The following FAM114A2 variants were observed in gnomAD, a reference collection of about 807,000 sequenced individuals.
FAM114A2 encodes protein FAM114A2.
Under a neutral mutation model 58.4 loss-of-function variants are expected in FAM114A2, and 53 were observed. That is an observed-to-expected ratio of 0.91 (90% CI 0.73 to 1.14). The LOEUF is 1.14. Among genes scored for constraint, FAM114A2 ranks in the 50% most tolerant of loss-of-function variants. FAM114A2 has a pLI of 0.00. For synonymous variants in FAM114A2, 228 were observed against 211.4 expected (o/e 1.08, Z -0.68); for missense variants, 601 against 581.1 (o/e 1.03, Z -0.35).
chr5:154,022,150 G>A (rs1257398896), intron 8 of FAM114A2, among the ~76,000 whole-genome samples: 1 of 151,828 alleles, frequency 6.6e-6, no homozygotes, highest in Non-Finnish European at 1.5e-5. Context: ...AATTCAAGAT[G>A]GATTAGACTT....
At chr5:154,023,491 G>T in intron 8 of FAM114A2, among the ~76,000 whole-genome samples, 1 of 152,122 alleles carries the variant, frequency 6.6e-6, no homozygotes, top group African/African-American at 2.4e-5. Flanking sequence ...GATGAGACTG[G>T]ATGCTATTGT....
intron 8 of FAM114A2, among the ~76,000 whole-genome samples, chr5:154,015,845 A>C (rs1162574374): frequency 6.6e-6 from 1 of 152,170 alleles, no homozygotes; most frequent in Non-Finnish European, 1.5e-5. Context: ...CAGAAAGGCA[A>C]AGCCCAATTT....
intron 11 of FAM114A2, 78 bp from the exon 12 acceptor site, chr5:153,997,953 GAACAA>G: frequency 1.1e-6 from 1 of 872,086 alleles, no homozygotes; most frequent in Non-Finnish European, 1.9e-6. Flanking sequence ...TGTCAGAAGA[GAACAA>G]ATCACTTCTG....
At position 153,990,412 on chromosome 5, in the gene FAM114A2, T is replaced by C. The variant is rs896678495; in HGVS notation, c.*2564A>G. 1.1e-4 allele frequency: 17 copies of C among 151,880 alleles called. No individual in the cohort carries two copies. Among genetic ancestry groups the C allele is most frequent in the African/African-American group, 3.1e-4 (13 of 41,342 alleles). 9.4% of individuals were successfully genotyped at this position (151,880 alleles called of 1,614,324 possible). On this transcript the variant is annotated 3_prime_UTR_variant, in exon 14 of 14. Transcript: ENST00000351797. ...ATTGAAAAATTCACATTTGTACACCTAGCACTGATTTCAGATTCATAGTAA... is the reference window on the plus strand; with the variant it reads ...ATTGAAAAATTCACATTTGTACACCCAGCACTGATTTCAGATTCATAGTAA...
intron 11 of FAM114A2, 77 bp from the exon 12 acceptor site, chr5:153,997,952 A>T: frequency 3.4e-6 from 3 of 869,618 alleles, no homozygotes; most frequent in South Asian, 1.5e-5. Flanking sequence ...TTGTCAGAAG[A>T]GAACAAATCA....
intron 1 of FAM114A2, chr5:154,036,155 GT>G (rs2113524217): frequency 6.6e-6 from 1 of 152,214 alleles, no homozygotes; most frequent in Non-Finnish European, 1.5e-5. Context: ...TTCAGAGCAA[GT>G]CTTTAATTTT....
At chr5:154,036,041 T>TA (rs1481411953) in intron 1 of FAM114A2, among the ~76,000 whole-genome samples, 1 of 152,326 alleles carries the variant, frequency 6.6e-6, no homozygotes, top group East Asian at 1.9e-4. Context: ...ATTTTTTTTT[T>TA]ACTGTTGAGT....
chr5:154,024,541 T>C (rs1771653463), intron 8 of FAM114A2, among the ~76,000 whole-genome samples: 1 of 152,138 alleles, frequency 6.6e-6, no homozygotes, highest in African/African-American at 2.4e-5. Flanking sequence ...GCTTTAAGTA[T>C]ATGAAGAAAA....
At chr5:154,001,579 T>A (rs572903555) in intron 11 of FAM114A2, among the ~76,000 whole-genome samples, 1 of 152,330 alleles carries the variant, frequency 6.6e-6, no homozygotes, top group African/African-American at 2.4e-5. Context: ...GTTCTAATAA[T>A]GGGCACTCTT....
In FAM114A2 at chr5:154,034,240, T is replaced by C. The variant is rs556938854; in HGVS notation, c.310+38A>G. 4 of 1,243,516 alleles carry C rather than the reference T, an allele frequency of 3.2e-6. No homozygotes were observed. The Admixed American group carries it at 6.8e-5, about 21-fold the overall frequency. The allele number at this position is 1,243,516 out of a possible 1,614,324, so 77.0% of individuals were successfully genotyped here. The stretch of plus-strand genomic sequence containing the variant: ...GCAATGCAGATCTGTATAAAATAAA[T>C]ACACACACAAAAATAACTAAATGAC... On this transcript the variant is annotated intron_variant, in intron 3 of 13. Coordinates refer to ENST00000351797, the MANE Select transcript of FAM114A2 (RefSeq NM_018691.4).
chr5:154,010,185 CAT>C (rs796828468), intron 9 of FAM114A2, among the ~76,000 whole-genome samples: 11 of 152,214 alleles, frequency 7.2e-5, no homozygotes, highest in African/African-American at 2.6e-4. Flanking sequence ...AGAAAGAACA[CAT>C]GTGAAAGCAC....
At chr5:154,002,501 C>G (rs561088405) in intron 10 of FAM114A2, 111 bp from the exon 11 acceptor site, 31 of 1,142,938 alleles carry the variant, frequency 2.7e-5, no homozygotes, top group Non-Finnish European at 3.8e-5. Flanking sequence ...AGTTGCCTTC[C>G]AATAAAGAGT....
At chr5:153,998,237 C>T (rs1039275431) in intron 11 of FAM114A2, among the ~76,000 whole-genome samples, 1 of 152,180 alleles carries the variant, frequency 6.6e-6, no homozygotes, top group African/African-American at 2.4e-5. Context: ...ACTCATTAGT[C>T]AGCTATTAAT....
intron 7 of FAM114A2, among the ~76,000 whole-genome samples, 156 bp from the exon 8 acceptor site, chr5:154,026,678 T>C (rs1045647843): frequency 1.3e-5 from 2 of 152,178 alleles, no homozygotes; most frequent in African/African-American, 4.8e-5. Flanking sequence ...CACAAGAGGC[T>C]GGTTATGACA....
In FAM114A2 at chr5:154,034,262, T is replaced by C; in HGVS notation, c.310+16A>G. 2 of 1,455,300 alleles carry C rather than the reference T, an allele frequency of 1.4e-6. No individual in the cohort carries two copies. The highest frequency in any genetic ancestry group is 1.4e-5 in the African/African-American group (1 of 70,070). The allele number at this position is 1,455,300 out of a possible 1,614,324, so 90.1% of individuals were successfully genotyped here. ...AAATACACACACAAAAATAACTAAA[T>C]GACTGATGATCTTACCTACTGTAGC... On this transcript the variant is annotated intron_variant, in intron 3 of 13. Coordinates refer to ENST00000351797, the MANE Select transcript of FAM114A2 (RefSeq NM_018691.4).
At chr5:154,019,405 C>A (rs1455091314) in intron 8 of FAM114A2, among the ~76,000 whole-genome samples, 1 of 152,148 alleles carries the variant, frequency 6.6e-6, no homozygotes, top group African/African-American at 2.4e-5. Flanking sequence ...AATGAAAACA[C>A]ATCCCATGCT....
chr5:154,024,562 C>T (rs377600047), intron 8 of FAM114A2, among the ~76,000 whole-genome samples: 1 of 151,984 alleles, frequency 6.6e-6, no homozygotes, highest in Admixed American at 6.6e-5. Flanking sequence ...TCCAACTTTA[C>T]AAAGATACAT....
In FAM114A2 at chr5:153,990,775, C is replaced by T. The variant is rs1030545368; in HGVS notation, c.*2201G>A. ...TTAGTAATTAGTGGTAAATCTTAGA[C>T]ACCAAAAATTTAAAAGGAAAATAGT... On this transcript the variant is annotated 3_prime_UTR_variant, in exon 14 of 14. Transcript: ENST00000351797. The T allele has an allele frequency of 1.3e-5, 2 of 152,032 alleles. No homozygotes were observed. The highest frequency in any genetic ancestry group is 4.8e-5 in the African/African-American group (2 of 41,390). 9.4% of individuals were successfully genotyped at this position (152,032 alleles called of 1,614,324 possible). A position where few individuals can be genotyped will look rare whatever the true frequency, so the allele number is the denominator to read the frequency against.
rs979244104 is a variant in FAM114A2, at chr5:154,035,827, T to C, written c.-14-860A>G. On this transcript the variant is annotated intron_variant, in intron 1 of 13. Coordinates refer to ENST00000351797, the MANE Select transcript of FAM114A2 (RefSeq NM_018691.4). ...ACCAGCAATGTATGACTGATAAGTT[T>C]TTCTGCATTCTTGCCAGCATTTGAC... 4.0e-4 allele frequency among the ~76,000 whole-genome samples: 61 copies of C among 152,346 alleles called. 1 individual carries two copies. The highest frequency in any genetic ancestry group is 1.4e-3 in the African/African-American group (60 of 41,574).
Sources: allele counts gnomAD v4.1 joint callset (sites outside exome capture counted in the v4.1 genomes callset), GRCh38; gene constraint gnomAD v4.1.1; transcripts MANE v1.5; gene names NCBI Gene and HGNC (gene_info 2026-07-23, HGNC 2026-07-21).